SEC16A: variants seen among roughly 807,000 people sequenced by gnomAD.
SEC16A encodes SEC16 homolog A, endoplasmic reticulum export factor.
In SEC16A, 110 loss-of-function variants were observed where a neutral mutation model predicts 221.9. That is an observed-to-expected ratio of 0.50 (90% confidence interval 0.42 to 0.58). The LOEUF (loss-of-function observed/expected upper bound fraction) is 0.58, where lower values mean the gene tolerates loss of function less well. Among genes scored for constraint, SEC16A ranks in the 20% least tolerant of loss-of-function variants. The probability of loss-of-function intolerance (pLI) is 0.00; values close to 1 mark genes in which losing one functional copy is unlikely to be tolerated. For missense variants in SEC16A, 3,165 were observed against 3,097.8 expected (o/e 1.02, Z -0.52); for synonymous variants, 1,393 against 1,257.7 (o/e 1.11, Z -2.28).
chr9:136,469,276 C>G (rs144624292), intron 4 of SEC16A, among the ~76,000 whole-genome samples: 1 of 152,132 alleles, frequency 6.6e-6, no homozygotes, highest in Non-Finnish European at 1.5e-5. Flanking sequence ...GCTCCTGGAG[C>G]GGGATTCTAA....
chr9:136,472,766 TC>T (rs1427365925), intron 3 of SEC16A, among the ~76,000 whole-genome samples: 1 of 152,164 alleles, frequency 6.6e-6, no homozygotes, highest in African/African-American at 2.4e-5. Context: ...CTTAAGCGCC[TC>T]AAAGCCTCAA....
At chr9:136,446,983 G>A (rs763988211) in intron 27 of SEC16A, 34 bp from the exon 28 acceptor site, 20 of 1,612,966 alleles carry the variant, frequency 1.2e-5, no homozygotes, top group East Asian at 6.7e-5. Flanking sequence ...CCATCATTCC[G>A]TCCCGAACGT....
intron 3 of SEC16A, among the ~76,000 whole-genome samples, chr9:136,472,676 G>T (rs1841035257): frequency 6.6e-6 from 1 of 152,240 alleles, no homozygotes; most frequent in Non-Finnish European, 1.5e-5. Context: ...CGTGGCCACA[G>T]AATTGTTCCC....
At chr9:136,472,927 G>A (rs983234670) in intron 3 of SEC16A, among the ~76,000 whole-genome samples, 1 of 152,250 alleles carries the variant, frequency 6.6e-6, no homozygotes, top group Non-Finnish European at 1.5e-5. Context: ...ACCGGACAAA[G>A]GACCCGAAGT....
Position 136,459,369 on chromosome 9 carries a change from A to C in SEC16A, c.5303+75T>G, listed in dbSNP as rs1839159510. 7.1e-7 allele frequency: 1 copy of C among 1,411,632 alleles called. No homozygotes were observed. Among genetic ancestry groups the C allele is most frequent in the South Asian group, 1.3e-5 (1 of 79,670 alleles). 87.4% of individuals were successfully genotyped at this position (1,411,632 alleles called of 1,614,324 possible). A position where few individuals can be genotyped will look rare whatever the true frequency, so the allele number is the denominator to read the frequency against. ...AAAGACATGATTCTGGCCATTTCTG[A>C]ATTCACTAAAGGAGAAGGATTTTGT... On this transcript the variant is annotated intron_variant, in intron 16 of 31. Coordinates refer to ENST00000684901, the MANE Select transcript of SEC16A (RefSeq NM_014866.2). The surrounding 1 kb of genome is among the most constrained non-coding windows in gnomAD (Gnocchi z 6.1).
chr9:136,452,448 T>C (rs1166814277), intron 22 of SEC16A, among the ~76,000 whole-genome samples: 1 of 18,914 alleles, frequency 5.3e-5, no homozygotes, highest in Non-Finnish European at 1.1e-4. Context: ...AAACTCCATC[T>C]CAAAAAAAAA....
At position 136,445,107 on chromosome 9, in the gene SEC16A, G is replaced by C; in HGVS notation, c.6872C>G (p.Ser2291Trp). 2 of 1,604,630 alleles carry C rather than the reference G, an allele frequency of 1.2e-6. No individual in the cohort carries two copies. The highest frequency in any genetic ancestry group is 1.1e-5 in the South Asian group (1 of 89,038). ...TAATGAACTCATTGAACTACAGCGCGAAAGCTACAAAACAGCAAGAACACA... is the reference window on the plus strand; with the variant it reads ...TAATGAACTCATTGAACTACAGCGCCAAAGCTACAAAACAGCAAGAACACA... ...RPEGSQGGEL[S>W]RCSSMSSLSR... The change falls in exon 30 of 32, where the codon TCG (serine) becomes TGG (tryptophan). Residue 2291 changes from serine (S) to tryptophan (W), a missense_variant. By Grantham distance (177) the Ser-to-Trp change is radical. This residue lies in a region of SEC16A where 1,088 missense variants were observed against 1,089.6 expected (regional missense o/e 1.00). Coordinates refer to ENST00000684901, the MANE Select transcript of SEC16A (RefSeq NM_014866.2).
At chr9:136,451,576 G>A (rs940349082) in intron 22 of SEC16A, among the ~76,000 whole-genome samples, 168 bp from the exon 23 acceptor site, 2 of 152,196 alleles carry the variant, frequency 1.3e-5, no homozygotes, top group African/African-American at 4.8e-5. Flanking sequence ...GCAGCCCCCT[G>A]ACTGGGCCTC....
At chr9:136,456,203 C>T (rs764239178) in intron 18 of SEC16A, 37 bp from the exon 19 acceptor site, 1 of 1,498,882 alleles carries the variant, frequency 6.7e-7, no homozygotes. Context: ...CCTGTCACCA[C>T]CGGGTGATGG....
chr9:136,447,638 C>T lies in SEC16A; in HGVS notation c.6490G>A (p.Val2164Met). The T allele has an allele frequency of 1.9e-6, 3 of 1,613,558 alleles. No homozygotes were observed. Among genetic ancestry groups the T allele is most frequent in the East Asian group, 2.2e-5 (1 of 44,884 alleles). Residue 2164 changes from valine to methionine, a missense_variant, in exon 26 of 32, where the codon GTG becomes ATG. This residue lies in a region of SEC16A where 1,088 missense variants were observed against 1,089.6 expected (regional missense o/e 1.00). Transcript: ENST00000684901. This position sits in a 1 kb window ranked among gnomAD's most constrained non-coding sequence, Gnocchi z 5.5. ...GGGAGGGCAGGCGGGGCAGCTTGCA[C>T]AGTCTTGGGCATCGAGGTTGGAGGT... ...PPPPTSMPKTVQAAPPALPGP... is the reference protein window; with the variant it reads ...PPPPTSMPKTMQAAPPALPGP...
rs1344459657 is a variant in SEC16A at position 136,447,445 on chromosome 9, G to A, written c.6560-81C>T. 6.4e-7 allele frequency: 1 copy of A among 1,571,158 alleles called. No individual in the cohort carries two copies. Among genetic ancestry groups the A allele is most frequent in the Non-Finnish European group, 8.6e-7 (1 of 1,156,666 alleles). Reference sequence around the variant, plus strand: ...CAAATGCTCTGCGCTCACTGCGTCAGAGGAAAAGCACGCAGGGACGTGCGG... The same window carrying A: ...CAAATGCTCTGCGCTCACTGCGTCAAAGGAAAAGCACGCAGGGACGTGCGG... On this transcript the variant is annotated intron_variant, in intron 26 of 31. Coordinates refer to ENST00000684901, the MANE Select transcript of SEC16A (RefSeq NM_014866.2). This position sits in a 1 kb window ranked among gnomAD's most constrained non-coding sequence, Gnocchi z 5.5.
In SEC16A at chr9:136,447,681, C is replaced by T; in HGVS notation, c.6448-1G>A. 3 of 1,606,522 alleles carry T rather than the reference C, an allele frequency of 1.9e-6. No individual in the cohort carries two copies. The highest frequency in any genetic ancestry group is 2.6e-6 in the Non-Finnish European group (3 of 1,174,486). ...TTGGAGGTGGGGGCGGGGCTTTCTT[C>T]TGCAGAGGGAAACACAGCTTCAGAC... On this transcript the variant is annotated splice_acceptor_variant, in intron 25 of 31. Coordinates refer to ENST00000684901, the MANE Select transcript of SEC16A (RefSeq NM_014866.2). LOFTEE classifies it high-confidence loss of function. The surrounding 1 kb of genome is among the most constrained non-coding windows in gnomAD (Gnocchi z 5.5).
At chr9:136,480,275 C>T (rs1842155455) in intron 1 of SEC16A, among the ~76,000 whole-genome samples, 1 of 152,182 alleles carries the variant, frequency 6.6e-6, no homozygotes. Context: ...CCAAGCACCT[C>T]CTGAAACTCT....
In SEC16A at chr9:136,461,279, A is replaced by G. The variant is rs2132346759; in HGVS notation, c.4894-5T>C. 6.3e-7 allele frequency: 1 copy of G among 1,594,820 alleles called. No homozygotes were observed. The highest frequency in any genetic ancestry group is 8.5e-7 in the Non-Finnish European group (1 of 1,170,322). Reference sequence around the variant, plus strand: ...CATTGCAGACTCCAAAGCATCCTGCAAAAGGCATTTCAGGGACCTTGGTGG... The same window carrying G: ...CATTGCAGACTCCAAAGCATCCTGCGAAAGGCATTTCAGGGACCTTGGTGG... On this transcript the variant is annotated splice_region_variant and splice_polypyrimidine_tract_variant and intron_variant, in intron 12 of 31. Coordinates refer to ENST00000684901, the MANE Select transcript of SEC16A (RefSeq NM_014866.2).
intron 23 of SEC16A, chr9:136,448,710 C>T (rs562405667): frequency 1.4e-4 from 57 of 395,078 alleles, no homozygotes; most frequent in Admixed American, 2.6e-4. Flanking sequence ...GAATGGAGGT[C>T]GGGGGCAGAT....
At position 136,446,941 on chromosome 9, in the gene SEC16A, C is replaced by T; in HGVS notation, c.6706G>A (p.Glu2236Lys). ...CCAGTCCCGTCTGGAAGCTGTGGTT[C>T]TTCTGCATCTGGGGATGAGAGAGCG... ...NLFVPTPDAEEPQLPDGTGRE... is the reference protein window; with the variant it reads ...NLFVPTPDAEKPQLPDGTGRE... The change falls in exon 28 of 32, where the codon GAA (glutamate) becomes AAA (lysine). Residue 2236 changes from glutamate (E) to lysine (K), a missense_variant. Transcript: ENST00000684901. 6.2e-7 allele frequency: 1 copy of T among 1,613,680 alleles called. No homozygotes were observed. Among genetic ancestry groups the T allele is most frequent in the South Asian group, 1.1e-5 (1 of 91,076 alleles).
chr9:136,447,979 T>C lies in SEC16A; in HGVS notation c.6391-70A>G, dbSNP rs1245131875. On this transcript the variant is annotated intron_variant, in intron 24 of 31. Transcript: ENST00000684901. This position sits in a 1 kb window ranked among gnomAD's most constrained non-coding sequence, Gnocchi z 5.5. The stretch of plus-strand genomic sequence containing the variant: ...AACAGAATTAGCATCTGATTAATGA[T>C]GACACTTCAAAACTTCAGGAAACAC... 9 of 1,526,264 alleles carry C rather than the reference T, an allele frequency of 5.9e-6. No individual in the cohort carries two copies. The highest frequency in any genetic ancestry group is 1.9e-5 in the Admixed American group (1 of 52,622). The allele number at this position is 1,526,264 out of a possible 1,614,324, so 94.5% of individuals were successfully genotyped here.
Position 136,466,254 on chromosome 9 carries a change from C to T in SEC16A, c.4128+10G>A, listed in dbSNP as rs189523223. 1.9e-4 allele frequency: 293 copies of T among 1,582,504 alleles called. 1 individual carries two copies. In the East Asian group the frequency reaches 6.1e-3, roughly 33 times the overall value. ...AACCGTCCGCGTGTCTGTGAGGCGC[C>T]GCCGCGTACCTGGTGCGAGTGGGAG... On this transcript the variant is annotated intron_variant, in intron 7 of 31. Transcript: ENST00000684901. The surrounding 1 kb of genome is among the most constrained non-coding windows in gnomAD (Gnocchi z 5.5).
chr9:136,476,534 G>A lies in SEC16A; in HGVS notation c.1082C>T (p.Pro361Leu), dbSNP rs202022715. 137 of 1,612,494 alleles carry A rather than the reference G, an allele frequency of 8.5e-5. 1 individual carries two copies. Among genetic ancestry groups the A allele is most frequent in the African/African-American group, 8.4e-4 (63 of 75,020 alleles). Residue 361 changes from proline to leucine, a missense_variant, in exon 3 of 32, where the codon CCG becomes CTG. Physicochemically the swap from Pro to Leu is moderately conservative, Grantham distance 98. Transcript: ENST00000684901. ...LGAGAGSGCAPLEADSGASGA... is the reference protein window; with the variant it reads ...LGAGAGSGCALLEADSGASGA... ...TGAAGCTCCTGAGTCTGCTTCTAGC[G>A]GGGCACAGCCAGACCCGGCCCCAGC...
Sources: allele counts gnomAD v4.1 joint callset (sites outside exome capture counted in the v4.1 genomes callset), GRCh38; gene constraint gnomAD v4.1.1; regional missense constraint gnomAD v4.1.1; non-coding constraint Gnocchi (gnomAD v3.1); transcripts MANE v1.5; gene names NCBI Gene and HGNC (gene_info 2026-07-23, HGNC 2026-07-21).